The following RBFOX1 variants were observed in gnomAD, a reference collection of about 807,000 sequenced individuals.
RBFOX1 encodes RNA binding protein fox-1 homolog 1.
Under a neutral mutation model 57.7 loss-of-function variants are expected in RBFOX1, and 8 were observed. The observed-to-expected ratio is 0.14, with a 90% CI of 0.08 to 0.25. The LOEUF (loss-of-function observed/expected upper bound fraction) is 0.25. RBFOX1 is among the 10% of genes least tolerant of loss of function. The pLI is 1.00. For missense variants in RBFOX1, 611 were observed against 548.5 expected, an observed-to-expected ratio of 1.11 and a Z score of -1.14; for synonymous variants, 326 against 222.4, an observed-to-expected ratio of 1.47 and a Z score of -4.15.
intron 4 of RBFOX1, among the ~76,000 whole-genome samples, chr16:7,338,778 A>G (rs745446467): frequency 3.9e-5 from 6 of 152,258 alleles, no homozygotes; most frequent in Non-Finnish European, 5.9e-5. Flanking sequence ...AAAGAAATCT[A>G]TAAAGAACTT....
chr16:7,562,767 C>G lies in RBFOX1; in HGVS notation c.271-17010C>G, dbSNP rs568577375. ...AGGAGGAAGGTCCCAGAGGTTGCAC[C>G]TCATCCCACTGATCCTACAAACTGC... On this transcript the variant is annotated intron_variant, in intron 5 of 15. Coordinates refer to ENST00000550418, the MANE Select transcript of RBFOX1 (RefSeq NM_018723.4). 3.3e-5 allele frequency among the ~76,000 whole-genome samples: 5 copies of G among 152,320 alleles called. No homozygotes were observed. The East Asian group carries it at 7.7e-4, about 23-fold the overall frequency.
intron 3 of RBFOX1, among the ~76,000 whole-genome samples, chr16:6,835,685 T>A (rs555419594): frequency 7.1e-6 from 1 of 140,134 alleles, no homozygotes; most frequent in Non-Finnish European, 1.5e-5. Context: ...ACCTCAGAGG[T>A]AGAGGTTGCA....
chr16:7,541,189 C>A (rs1295603550), intron 5 of RBFOX1, among the ~76,000 whole-genome samples: 1 of 152,238 alleles, frequency 6.6e-6, no homozygotes, highest in Admixed American at 6.5e-5. Flanking sequence ...TATTTAAGGA[C>A]AAGCACAAAG....
intron 3 of RBFOX1, among the ~76,000 whole-genome samples, chr16:6,730,423 A>T (rs1181443106): frequency 6.6e-6 from 1 of 151,104 alleles, no homozygotes; most frequent in Non-Finnish European, 1.5e-5. Flanking sequence ...TCTCTATCTC[A>T]TCTATATCTA....
At chr16:5,409,011 A>T (rs1001399744) in intron 1 of RBFOX1, among the ~76,000 whole-genome samples, 3 of 152,220 alleles carry the variant, frequency 2.0e-5, no homozygotes, top group African/African-American at 7.2e-5. Context: ...TACAAACTGT[A>T]TCGGCGGGTG....
chr16:6,612,863 A>ATAAAT (rs756951700), intron 2 of RBFOX1, among the ~76,000 whole-genome samples: 1 of 132,242 alleles, frequency 7.6e-6, no homozygotes, highest in East Asian at 2.2e-4. Flanking sequence ...AAAAAAAAAA[A>ATAAAT]AATAATAATA....
At chr16:6,062,256 C>T (rs2095697025) in intron 1 of RBFOX1, among the ~76,000 whole-genome samples, 2 of 150,842 alleles carry the variant, frequency 1.3e-5, no homozygotes, top group Admixed American at 1.3e-4. Context: ...TTGATTGATT[C>T]CATCATTGGC....
chr16:7,155,664 A>G (rs1221060166), intron 4 of RBFOX1, among the ~76,000 whole-genome samples: 1 of 139,380 alleles, frequency 7.2e-6, no homozygotes, highest in Non-Finnish European at 1.5e-5. Context: ...TGGAAGAGCT[A>G]TCAGCCACTT....
At chr16:7,038,578 G>A (rs535089210) in intron 3 of RBFOX1, among the ~76,000 whole-genome samples, 3 of 152,174 alleles carry the variant, frequency 2.0e-5, no homozygotes, top group South Asian at 2.1e-4. Flanking sequence ...TTGTAAAGGT[G>A]CTTACATGTG....
chr16:6,766,332 A>G (rs527417612), intron 3 of RBFOX1, among the ~76,000 whole-genome samples: 2 of 152,120 alleles, frequency 1.3e-5, no homozygotes, highest in African/African-American at 4.8e-5. Flanking sequence ...TAATGTTCAG[A>G]GTGGAAAAGA....
intron 2 of RBFOX1, among the ~76,000 whole-genome samples, chr16:6,383,819 G>C (rs770293616): frequency 2.0e-5 from 3 of 151,938 alleles, no homozygotes. Context: ...GAAGAGTTCA[G>C]TGGTTACAAT....
chr16:6,338,855 G>A (rs1340522179), intron 2 of RBFOX1, among the ~76,000 whole-genome samples: 1 of 152,144 alleles, frequency 6.6e-6, no homozygotes, highest in Non-Finnish European at 1.5e-5. Context: ...TTATTTTGTG[G>A]TAGGTACACA....
chr16:7,611,683 G>T (rs2057497856), intron 10 of RBFOX1, among the ~76,000 whole-genome samples: 1 of 152,100 alleles, frequency 6.6e-6, no homozygotes. Flanking sequence ...GAGGCAGGAA[G>T]AGCCATTGCA....
chr16:6,956,909 A>G (rs1598346319), intron 3 of RBFOX1, among the ~76,000 whole-genome samples: 3 of 152,178 alleles, frequency 2.0e-5, no homozygotes. Flanking sequence ...TTGTGTTACC[A>G]GGAAGGGGTC....
chr16:5,390,737 C>A (rs1165909980), intron 1 of RBFOX1, among the ~76,000 whole-genome samples: 1 of 152,170 alleles, frequency 6.6e-6, no homozygotes, highest in African/African-American at 2.4e-5. Flanking sequence ...CCAATCAGTT[C>A]ACATTATTCC....
chr16:6,790,671 C>A (rs1449865514), intron 3 of RBFOX1, among the ~76,000 whole-genome samples: 1 of 152,096 alleles, frequency 6.6e-6, no homozygotes, highest in Non-Finnish European at 1.5e-5. Flanking sequence ...TCATTATTTT[C>A]ACTTGTATGG....
At chr16:6,662,155 C>G (rs553223639) in intron 3 of RBFOX1, among the ~76,000 whole-genome samples, 3 of 151,528 alleles carry the variant, frequency 2.0e-5, no homozygotes, top group African/African-American at 7.3e-5. Flanking sequence ...AAGGGAGGAT[C>G]TTGGTCAAAG....
intron 4 of RBFOX1, among the ~76,000 whole-genome samples, chr16:5,982,500 T>G (rs773046443): frequency 2.0e-5 from 3 of 152,190 alleles, no homozygotes; most frequent in Non-Finnish European, 4.4e-5. Context: ...GGTCTTGAAC[T>G]CCTGACCTCA....
At chr16:5,663,778 G>C (rs1038703712) in intron 3 of RBFOX1, among the ~76,000 whole-genome samples, 3 of 152,202 alleles carry the variant, frequency 2.0e-5, no homozygotes, top group African/African-American at 7.2e-5. Flanking sequence ...GTCACCTCTT[G>C]TCTGTATTTG....
Sources: gnomAD v4.1 joint callset for allele counts (sites outside exome capture counted in the v4.1 genomes callset) on GRCh38, gnomAD v4.1.1 for gene constraint, MANE v1.5 for transcripts, NCBI Gene and HGNC (gene_info 2026-07-23, HGNC 2026-07-21) for gene names.